SPTBN4: variants seen among roughly 807,000 people sequenced by gnomAD.
The protein encoded by SPTBN4 is spectrin beta, non-erythrocytic 4, also known as spectrin beta chain, non-erythrocytic 4.
Under a neutral mutation model 277.8 loss-of-function variants are expected in SPTBN4, and 96 were observed. The ratio of observed to expected loss-of-function variants is 0.35; its 90% confidence interval spans 0.29 to 0.41. SPTBN4 has a LOEUF of 0.41. SPTBN4 is among the 10% of genes least tolerant of loss of function. The probability of loss-of-function intolerance (pLI) is 1.00; values close to 1 mark genes in which losing one functional copy is unlikely to be tolerated. For synonymous variants in SPTBN4, 1,481 were observed against 1,580.3 expected (o/e 0.94, Z 1.49); for missense variants, 3,006 against 3,595.7 (o/e 0.84, Z 4.19).
In SPTBN4 at chr19:40,565,271, A is replaced by AAAAAAG. The variant is rs1169581747; in HGVS notation, c.5916-148_5916-147insAGAAAA. ...TAGGGTGAGACTTTATCTCAAAAAA[A>AAAAAAG]AAAAGAAAAGAAAAGAAAAGAAAAG... On this transcript the variant is annotated intron_variant, in intron 27 of 35. Transcript: ENST00000598249. 1,060 of 979,002 alleles carry AAAAAAG rather than the reference A, an allele frequency of 1.1e-3. 1 individual carries two copies. The highest frequency in any genetic ancestry group is 1.3e-3 in the Non-Finnish European group (841 of 668,480). The allele number at this position is 979,002 out of a possible 1,614,324, so 60.6% of individuals were successfully genotyped here. A position where few individuals can be genotyped will look rare whatever the true frequency, so the allele number is the denominator to read the frequency against.
intron 18 of SPTBN4, chr19:40,530,896 C>T (rs528730305): frequency 8.7e-5 from 13 of 149,170 alleles, no homozygotes; most frequent in African/African-American, 3.2e-4. Context: ...GCGTCTCAGC[C>T]TTTCGAGGGG....
chr19:40,568,616 C>G (rs2081120795), intron 31 of SPTBN4, among the ~76,000 whole-genome samples: 1 of 152,210 alleles, frequency 6.6e-6, no homozygotes, highest in Non-Finnish European at 1.5e-5. Flanking sequence ...AGTTTGCCCA[C>G]TGGGCTAATG....
chr19:40,508,330 C>T (rs935193935), intron 13 of SPTBN4, among the ~76,000 whole-genome samples: 8 of 152,200 alleles, frequency 5.3e-5, no homozygotes, highest in Non-Finnish European at 7.3e-5. Flanking sequence ...TGTGGTCAAA[C>T]GAAGTTGGGT....
chr19:40,490,009 G>T lies in SPTBN4; in HGVS notation c.322-66G>T. ...GGAGGCGGGCTTCTTTGGAAGCTGC[G>T]GGGCCGAGGGCGCCATACTCCTGTC... On this transcript the variant is annotated intron_variant, in intron 3 of 35. Transcript: ENST00000598249. This position sits in a 1 kb window ranked among gnomAD's most constrained non-coding sequence, Gnocchi z 4.3. The T allele has an allele frequency of 6.8e-7, 1 of 1,465,698 alleles. No individual in the cohort carries two copies. Among genetic ancestry groups the T allele is most frequent in the Non-Finnish European group, 9.1e-7 (1 of 1,104,482 alleles). 90.8% of individuals were successfully genotyped at this position (1,465,698 alleles called of 1,614,324 possible).
chr19:40,546,895 T>C (rs1008874359), intron 20 of SPTBN4, among the ~76,000 whole-genome samples: 4 of 152,204 alleles, frequency 2.6e-5, no homozygotes, highest in African/African-American at 9.6e-5. Context: ...TGGTAAGCAC[T>C]GTGAAGACGA....
chr19:40,507,121 CT>C (rs2080339234), intron 13 of SPTBN4, among the ~76,000 whole-genome samples: 1 of 152,038 alleles, frequency 6.6e-6, no homozygotes. Context: ...TCAGGGAAGC[CT>C]AGTCAACATG....
chr19:40,545,520 C>T (rs971779137), intron 20 of SPTBN4, among the ~76,000 whole-genome samples: 11 of 152,214 alleles, frequency 7.2e-5, no homozygotes, highest in African/African-American at 2.2e-4. Flanking sequence ...ATTTATGCCA[C>T]CACTGACAGT....
chr19:40,524,025 A>G (rs2080560372), intron 17 of SPTBN4, among the ~76,000 whole-genome samples: 1 of 151,258 alleles, frequency 6.6e-6, no homozygotes, highest in Admixed American at 6.6e-5. Context: ...CTGGTCTTGA[A>G]CTCTTGACCA....
At chr19:40,495,651 C>G (rs534221714) in intron 6 of SPTBN4, among the ~76,000 whole-genome samples, 1 of 151,598 alleles carries the variant, frequency 6.6e-6, no homozygotes, top group African/African-American at 2.4e-5. Flanking sequence ...CCACCCCTAA[C>G]CCCCCCACCA....
chr19:40,479,684 A>ATATATATATATATG, intron 2 of SPTBN4, among the ~76,000 whole-genome samples: 1 of 141,894 alleles, frequency 7.0e-6, no homozygotes, highest in African/African-American at 2.5e-5. Flanking sequence ...GCATATATAT[A>ATATATATATATATG]TATATATATA....
At chr19:40,483,374 A>G (rs538192730) in intron 2 of SPTBN4, among the ~76,000 whole-genome samples, 1 of 152,322 alleles carries the variant, frequency 6.6e-6, no homozygotes, top group East Asian at 1.9e-4. Flanking sequence ...TGTCTGCAAC[A>G]CAAAAGTATC....
intron 7 of SPTBN4, among the ~76,000 whole-genome samples, chr19:40,500,541 C>T (rs959195846): frequency 3.3e-5 from 5 of 152,144 alleles, no homozygotes; most frequent in African/African-American, 7.2e-5. Flanking sequence ...GCTGGGCCCA[C>T]GCCTATAGTG....
At chr19:40,487,152 C>T (rs2080081532) in intron 2 of SPTBN4, among the ~76,000 whole-genome samples, 1 of 151,740 alleles carries the variant, frequency 6.6e-6, no homozygotes, top group African/African-American at 2.4e-5. Flanking sequence ...TCTCCTGCCT[C>T]AGTCTCCCGA....
intron 22 of SPTBN4, among the ~76,000 whole-genome samples, chr19:40,551,598 G>T (rs570745994): frequency 1.4e-4 from 22 of 152,276 alleles, no homozygotes; most frequent in African/African-American, 5.3e-4. Context: ...AAGTAGAGTT[G>T]GTTTAGAGCA....
chr19:40,530,617 T>C (rs2080655456), intron 18 of SPTBN4: 1 of 952,860 alleles, frequency 1.0e-6, no homozygotes, highest in African/African-American at 2.0e-5. Flanking sequence ...GGGGAGGGGG[T>C]TGGCGCGCAC....
rs1230379460 is a variant in SPTBN4 at position 40,572,146 on chromosome 19, G to A, written c.7447G>A (p.Glu2483Lys). The A allele has an allele frequency of 3.1e-6, 5 of 1,609,722 alleles. No homozygotes were observed. The highest frequency in any genetic ancestry group is 2.2e-5 in the East Asian group (1 of 44,802). Residue 2483 changes from glutamate to lysine, a missense_variant, in exon 34 of 36, where the codon GAG becomes AAG. Glu to Lys is a moderately conservative substitution (Grantham distance 56, BLOSUM62 1). This residue lies in a region of SPTBN4 where 630 missense variants were observed against 677.6 expected (regional missense o/e 0.93). Transcript: ENST00000598249. ...GCTCAGCCTGCACAAGGCCACCAGCGAGGTGGCTAGTGACTACAAGAAAAA... is the reference window on the plus strand; with the variant it reads ...GCTCAGCCTGCACAAGGCCACCAGCAAGGTGGCTAGTGACTACAAGAAAAA... The part of the protein sequence containing the change: ...PLLSLHKATS[E>K]VASDYKKKKH...
chr19:40,478,593 T>C (rs2079974682), intron 2 of SPTBN4, among the ~76,000 whole-genome samples: 1 of 152,162 alleles, frequency 6.6e-6, no homozygotes. Context: ...TCACCCAGGC[T>C]GGAGTGCAAT....
chr19:40,474,151 CAAAAAAAAAAAAAAA>C (rs71173641), intron 2 of SPTBN4, among the ~76,000 whole-genome samples: 52 of 34,476 alleles, frequency 1.5e-3, no homozygotes, highest in African/African-American at 6.2e-3. Context: ...GAACCTATCT[CAAAAAAAAAAAAAAA>C]AAAAAAAAAA....
At position 40,532,674 on chromosome 19, in the gene SPTBN4, G is replaced by A. The variant is rs150208588; in HGVS notation, c.3998G>A (p.Arg1333Gln). ...EKMLMARDGTREDNHKLHKRW... is the reference protein window; with the variant it reads ...EKMLMARDGTQEDNHKLHKRW... ...ATGCTGATGGCGCGGGATGGCACGC[G>A]GGAGGACAACCACAAGCTGCATAAG... is the stretch of plus-strand genomic sequence containing the variant. The change falls in exon 19 of 36, where the codon CGG becomes CAG. Residue 1333 changes from arginine to glutamine, a missense_variant. This residue lies in a region of SPTBN4 where 1,759 missense variants were observed against 2,061.5 expected (regional missense o/e 0.85). Coordinates refer to ENST00000598249, the MANE Select transcript of SPTBN4 (RefSeq NM_020971.3). 71 of 1,613,514 alleles carry A rather than the reference G, an allele frequency of 4.4e-5. No individual in the cohort carries two copies. The East Asian group carries it at 8.9e-4, about 20-fold the overall frequency.
Sources: allele counts gnomAD v4.1 joint callset (sites outside exome capture counted in the v4.1 genomes callset), GRCh38; gene constraint gnomAD v4.1.1; regional missense constraint gnomAD v4.1.1; non-coding constraint Gnocchi (gnomAD v3.1); transcripts MANE v1.5; gene names NCBI Gene and HGNC (gene_info 2026-07-23, HGNC 2026-07-21).